The following AFG2A variants were observed in gnomAD, a reference collection of about 807,000 sequenced individuals.
AFG2A encodes the protein ATPase family gene 2 protein homolog A.
At chr4:123,260,543 ATC>A in the AFG2A span, among the ~76,000 whole-genome samples, 1 of 152,214 alleles carries the variant, frequency 6.6e-6, no homozygotes, top group Admixed American at 6.5e-5. Context: ...TTTTTCTGAC[ATC>A]TCTTTTTCTC....
the AFG2A span, among the ~76,000 whole-genome samples, chr4:123,037,239 T>C: frequency 1.3e-5 from 2 of 152,052 alleles, no homozygotes; most frequent in African/African-American, 4.8e-5. Context: ...TTGTGACTGA[T>C]ATGATGTAAA....
chr4:122,933,769 A>C, the AFG2A span, among the ~76,000 whole-genome samples: 1 of 152,144 alleles, frequency 6.6e-6, no homozygotes, highest in Non-Finnish European at 1.5e-5. Flanking sequence ...TGCCCTTTCC[A>C]GTGACAGATG....
chr4:122,930,115 G>A, the AFG2A span, among the ~76,000 whole-genome samples: 3 of 152,274 alleles, frequency 2.0e-5, no homozygotes, highest in East Asian at 1.9e-4. Context: ...GAACCTGATT[G>A]TATATTTTAA....
At chr4:123,028,058 A>T in the AFG2A span, 43 of 740,750 alleles carry the variant, frequency 5.8e-5, no homozygotes, top group Admixed American at 3.1e-5. Flanking sequence ...TTTTTAAAGG[A>T]TTTTCCTGAT....
chr4:123,214,938 T>A, the AFG2A span, among the ~76,000 whole-genome samples: 1 of 152,104 alleles, frequency 6.6e-6, no homozygotes, highest in Non-Finnish European at 1.5e-5. Context: ...TATTAGTAGT[T>A]AAATTTTTTG....
the AFG2A span, among the ~76,000 whole-genome samples, chr4:123,166,390 C>T: frequency 6.6e-6 from 1 of 152,182 alleles, no homozygotes; most frequent in Non-Finnish European, 1.5e-5. Flanking sequence ...CTTTGGAACT[C>T]GAACTGGCTT....
the AFG2A span, among the ~76,000 whole-genome samples, chr4:122,954,638 G>A: frequency 4.6e-5 from 7 of 152,226 alleles, no homozygotes; most frequent in East Asian, 1.2e-3. Flanking sequence ...TCTGCAGGTA[G>A]GACAGTAGGG....
At chr4:123,159,584 G>A in the AFG2A span, among the ~76,000 whole-genome samples, 1 of 152,174 alleles carries the variant, frequency 6.6e-6, no homozygotes. Context: ...GGAAAGGTAA[G>A]GACCTTTCTA....
the AFG2A span, among the ~76,000 whole-genome samples, chr4:123,221,428 G>T: frequency 6.6e-6 from 1 of 152,078 alleles, no homozygotes; most frequent in African/African-American, 2.4e-5. Context: ...CTCCCAAAGT[G>T]CTAGAACTAC....
At chr4:123,173,667 T>C in the AFG2A span, among the ~76,000 whole-genome samples, 1 of 152,110 alleles carries the variant, frequency 6.6e-6, no homozygotes, top group Non-Finnish European at 1.5e-5. Context: ...AATTTTTTAA[T>C]ATAGTATTTT....
chr4:122,946,517 T>A, the AFG2A span, among the ~76,000 whole-genome samples: 14 of 152,318 alleles, frequency 9.2e-5, no homozygotes, highest in South Asian at 6.2e-4. Context: ...GAGCTTTTTT[T>A]AAATTTTTTT....
the AFG2A span, among the ~76,000 whole-genome samples, chr4:123,091,840 T>C: frequency 6.6e-6 from 1 of 152,258 alleles, no homozygotes; most frequent in Non-Finnish European, 1.5e-5. Flanking sequence ...TCTCAGAGCG[T>C]GAACCAGTTT....
chr4:123,014,652 T>C, the AFG2A span, among the ~76,000 whole-genome samples: 1 of 152,204 alleles, frequency 6.6e-6, no homozygotes, highest in Admixed American at 6.5e-5. Flanking sequence ...TTAAACTGAT[T>C]ATTGAAATCT....
At chr4:123,097,781 C>T in the AFG2A span, among the ~76,000 whole-genome samples, 5 of 152,140 alleles carry the variant, frequency 3.3e-5, no homozygotes, top group African/African-American at 1.2e-4. Context: ...GGTCTTACTT[C>T]ATTTCGATGT....
the AFG2A span, among the ~76,000 whole-genome samples, chr4:123,309,189 C>A: frequency 1.3e-5 from 2 of 152,170 alleles, no homozygotes; most frequent in African/African-American, 4.8e-5. Context: ...TGGGAAACAA[C>A]GAGTGTCGTA....
chr4:123,136,599 G>T, the AFG2A span, among the ~76,000 whole-genome samples: 1 of 151,734 alleles, frequency 6.6e-6, no homozygotes, highest in Non-Finnish European at 1.5e-5. Flanking sequence ...GCGTGAACAC[G>T]AGAGGTGGAG....
chr4:123,095,827 C>T, the AFG2A span, among the ~76,000 whole-genome samples: 1 of 152,050 alleles, frequency 6.6e-6, no homozygotes, highest in Non-Finnish European at 1.5e-5. Flanking sequence ...ATCTTGTTGC[C>T]TCTTACCCCA....
At chr4:123,087,467 G>A in the AFG2A span, among the ~76,000 whole-genome samples, 3,527 of 152,248 alleles carry the variant, frequency 0.023, 137 homozygotes, top group African/African-American at 0.08. Flanking sequence ...ATTTTCTCTT[G>A]AGGAGCAGGC....
chr4:123,073,427 ATT>A, the AFG2A span, among the ~76,000 whole-genome samples: 2 of 152,086 alleles, frequency 1.3e-5, no homozygotes, highest in Non-Finnish European at 2.9e-5. Context: ...AAAAATATAA[ATT>A]TGTCTCTTTT....
Sources: allele counts gnomAD v4.1 joint callset (sites outside exome capture counted in the v4.1 genomes callset), GRCh38; gene constraint gnomAD v4.1.1; transcripts MANE v1.5; gene names NCBI Gene and HGNC (gene_info 2026-07-23, HGNC 2026-07-21).